The following DHX57 variants were observed in gnomAD, a reference collection of about 807,000 sequenced individuals.
DHX57 encodes the protein DExH-box helicase 57.
DHX57 carries 105 observed loss-of-function variants against 156.2 expected under a neutral mutation model. The ratio of observed to expected loss-of-function variants is 0.67; its 90% CI spans 0.57 to 0.79. DHX57 has a LOEUF of 0.79. DHX57 is among the 30% of genes least tolerant of loss of function. The pLI, the probability that DHX57 is intolerant of heterozygous loss-of-function variation, is 0.00. For synonymous variants in DHX57, 704 were observed against 595.6 expected, an observed-to-expected ratio of 1.18 and a Z score of -2.65; for missense variants, 1,847 against 1,661.9, an observed-to-expected ratio of 1.11 and a Z score of -1.94.
intron 5 of DHX57, among the ~76,000 whole-genome samples, chr2:38,859,825 T>G (rs980185450): frequency 2.0e-5 from 3 of 151,352 alleles, no homozygotes; most frequent in African/African-American, 7.3e-5. Context: ...TCCTTTTTTT[T>G]TTTTTTTTAA....
chr2:38,846,909 G>A (rs769314445), intron 11 of DHX57, 110 bp downstream of exon 11: 8 of 779,754 alleles, frequency 1.0e-5, no homozygotes, highest in Non-Finnish European at 1.6e-5. Context: ...AGCTGGTCTT[G>A]AACTGGCCCC....
chr2:38,846,900 G>A, intron 11 of DHX57, 119 bp downstream of exon 11: 1 of 638,584 alleles, frequency 1.6e-6, no homozygotes, highest in Non-Finnish European at 2.6e-6. Flanking sequence ...TGTTGCCCAA[G>A]CTGGTCTTGA....
rs1329786520 is a variant in DHX57 at position 38,813,883 on chromosome 2, C to T, written c.3619G>A (p.Ala1207Thr). 13 of 1,613,100 alleles carry T rather than the reference C, an allele frequency of 8.1e-6. No individual in the cohort carries two copies. The highest frequency in any genetic ancestry group is 6.7e-5 in the African/African-American group (5 of 74,902). ...GCTGATATCAGCTTGGGGTTCTCAG[C>T]ATTTGAGTTTGCCTATGAGAAAAGC... ...DATGEEANSN[A>T]ENPKLISAML... Residue 1207 changes from alanine (A) to threonine (T), a missense_variant, in exon 21 of 24, where the codon GCT (alanine) becomes ACT (threonine). Ala to Thr is a moderately conservative substitution (Grantham distance 58, BLOSUM62 0). Transcript: ENST00000457308.
chr2:38,815,226 C>T (rs1051796959), intron 20 of DHX57, among the ~76,000 whole-genome samples: 1 of 151,968 alleles, frequency 6.6e-6, no homozygotes, highest in African/African-American at 2.4e-5. Flanking sequence ...CACCACCATG[C>T]CTGGCTAATT....
Position 38,837,943 on chromosome 2 carries a change from A to C in DHX57, c.2430T>G (p.Val810=), listed in dbSNP as rs775090494. Residue 810 remains valine, a synonymous_variant, in exon 13 of 24, where the codon GTT becomes GTG. Transcript: ENST00000457308. ...FKQLLARYKG[V]SKSVIKTMSI... is the part of the protein sequence containing the mutation. The stretch of plus-strand genomic sequence containing the variant: ...ACATTGTTTTGATGACTGACTTGCT[A>C]ACCCCTGAAAGAAAGAAAGGTAAAA... 20 of 1,601,126 alleles carry C rather than the reference A, an allele frequency of 1.2e-5. No individual in the cohort carries two copies. Among genetic ancestry groups the C allele is most frequent in the Non-Finnish European group, 1.7e-5 (20 of 1,168,434 alleles).
intron 13 of DHX57, among the ~76,000 whole-genome samples, chr2:38,834,545 T>C (rs1671554874): frequency 6.6e-6 from 1 of 152,112 alleles, no homozygotes; most frequent in Non-Finnish European, 1.5e-5. Context: ...TGTCAGAATA[T>C]TGTATATTAT....
rs572177410 is a variant in DHX57 at position 38,863,484 on chromosome 2, C to T, written c.260G>A (p.Arg87His). Reference sequence around the variant, plus strand: ...TTTGGCTTTGGGTTTCCATTTTGGGCGTGACTCTCCTTTGCTTATGTTACT... The same window carrying T: ...TTTGGCTTTGGGTTTCCATTTTGGGTGTGACTCTCCTTTGCTTATGTTACT... ...SNSNISKGES[R>H]PKWKPKAKVP... Residue 87 changes from arginine to histidine, a missense_variant, in exon 3 of 24, where the codon CGC (arginine) becomes CAC (histidine). By Grantham distance (29) the Arg-to-His change is conservative. Coordinates refer to ENST00000457308, the MANE Select transcript of DHX57 (RefSeq NM_198963.3). 1.7e-5 allele frequency: 28 copies of T among 1,613,882 alleles called. No homozygotes were observed. The East Asian group carries it at 3.8e-4, about 22-fold the overall frequency.
intron 16 of DHX57, among the ~76,000 whole-genome samples, chr2:38,823,495 A>G (rs369891349): frequency 6.6e-5 from 10 of 152,360 alleles, no homozygotes; most frequent in Non-Finnish European, 1.2e-4. Flanking sequence ...GCTTCTTTCC[A>G]TAACAGTGGG....
intron 12 of DHX57, among the ~76,000 whole-genome samples, chr2:38,841,115 G>T (rs1206498396): frequency 6.6e-6 from 1 of 152,180 alleles, no homozygotes; most frequent in Non-Finnish European, 1.5e-5. Flanking sequence ...GAGCCACCAT[G>T]CCCAACCTCA....
At chr2:38,862,108 T>C (rs1273406798) in intron 4 of DHX57, 37 bp downstream of exon 4, 1 of 1,546,278 alleles carries the variant, frequency 6.5e-7, no homozygotes. Flanking sequence ...TTTCCTTGAA[T>C]TCTTTCCCAA....
Position 38,815,596 on chromosome 2 carries a change from C to A in DHX57, c.3531G>T (p.Arg1177Ser). The change falls in exon 20 of 24, where the codon AGG becomes AGT. Residue 1177 changes from arginine to serine, a missense_variant. By Grantham distance (110) the Arg-to-Ser change is moderately radical (BLOSUM62 -1). Coordinates refer to ENST00000457308, the MANE Select transcript of DHX57 (RefSeq NM_198963.3). ...CAATTTCCCTTGCTCTGAGCCCTTC[C>A]CTTGCAAACCCTATATCCGATAACA... ...TELLSDIGFA[R>S]EGLRAREIEK... 6.2e-7 allele frequency: 1 copy of A among 1,614,136 alleles called. No homozygotes were observed. The highest frequency in any genetic ancestry group is 8.5e-7 in the Non-Finnish European group (1 of 1,180,032).
At chr2:38,865,542 G>C (rs1460187293) in intron 2 of DHX57, among the ~76,000 whole-genome samples, 1 of 152,180 alleles carries the variant, frequency 6.6e-6, no homozygotes, top group Admixed American at 6.5e-5. Flanking sequence ...AGCAGCGTGA[G>C]AATGGACTAA....
intron 4 of DHX57, 140 bp downstream of exon 4, chr2:38,862,005 T>G (rs1247690368): frequency 8.1e-7 from 1 of 1,232,548 alleles, no homozygotes; most frequent in African/African-American, 1.5e-5. Flanking sequence ...TGACCCCTTC[T>G]GATAAGATAG....
At chr2:38,870,644 C>T (rs1387528286) in intron 1 of DHX57, among the ~76,000 whole-genome samples, 1 of 152,130 alleles carries the variant, frequency 6.6e-6, no homozygotes, top group Non-Finnish European at 1.5e-5. Context: ...CTATGGGAGG[C>T]CAAGGCGGGC....
Position 38,819,131 on chromosome 2 carries a change from TC to T in DHX57, c.3304del (p.Asp1102IlefsTer32). On this transcript the variant is annotated frameshift_variant, in exon 18 of 24. Coordinates refer to ENST00000457308, the MANE Select transcript of DHX57 (RefSeq NM_198963.3). LOFTEE classifies it high-confidence loss of function. ...AFKSPFVSPWDKKEEANQKKL... is the reference protein window; with the variant it reads ...AFKSPFVSPWXKKEEANQKKL... ...TTTCTGGTTAGCTTCTTCTTTTTTATCCCAGGGAGATACCTAAAGGAGAGAG... is the reference window on the plus strand; with the variant it reads ...TTTCTGGTTAGCTTCTTCTTTTTTATCCAGGGAGATACCTAAAGGAGAGAG... 1 of 1,613,884 alleles carries T rather than the reference TC, an allele frequency of 6.2e-7. No individual in the cohort carries two copies. Among genetic ancestry groups the T allele is most frequent in the Admixed American group, 1.7e-5 (1 of 59,994 alleles).
rs1274523918 is a variant in DHX57 at position 38,855,165 on chromosome 2, G to C, written c.1797C>G (p.Thr599=). The change falls in exon 8 of 24, where the codon ACC becomes ACG. Residue 599 remains threonine, a synonymous_variant. Coordinates refer to ENST00000457308, the MANE Select transcript of DHX57 (RefSeq NM_198963.3). ...PPEKVANIIC[T]QPRRISAISV... is the part of the protein sequence containing the mutation. ...AGATTGCAGAGATTCGTCGGGGTTG[G>C]GTACAGATGATGTTGGCTACCTTCT... 1 of 1,613,870 alleles carries C rather than the reference G, an allele frequency of 6.2e-7. No homozygotes were observed. The highest frequency in any genetic ancestry group is 1.3e-5 in the African/African-American group (1 of 74,854).
At position 38,863,433 on chromosome 2, in the gene DHX57, G is replaced by A. The variant is rs1245389569; in HGVS notation, c.311C>T (p.Thr104Ile). ...AKVPLQTLHMTSENQEKVKAL... is the reference protein window; with the variant it reads ...AKVPLQTLHMISENQEKVKAL... Reference sequence around the variant, plus strand: ...TTTCACTTTCTCTTGATTCTCAGAAGTCATATGTAGAGTCTGAAGGGGTAC... The same window carrying A: ...TTTCACTTTCTCTTGATTCTCAGAAATCATATGTAGAGTCTGAAGGGGTAC... Residue 104 changes from threonine to isoleucine, a missense_variant, in exon 3 of 24, where the codon ACT becomes ATT. Transcript: ENST00000457308. The A allele has an allele frequency of 1.2e-6, 2 of 1,613,930 alleles. No individual in the cohort carries two copies. Among genetic ancestry groups the A allele is most frequent in the Non-Finnish European group, 8.5e-7 (1 of 1,180,016 alleles).
chr2:38,855,149 A>C lies in DHX57; in HGVS notation c.1813T>G (p.Ser605Ala). The change falls in exon 8 of 24, where the codon TCT (serine) becomes GCT (alanine). Residue 605 changes from serine to alanine, a missense_variant. Coordinates refer to ENST00000457308, the MANE Select transcript of DHX57 (RefSeq NM_198963.3). ...ACGCGTTCAGCAACAGAGATTGCAG[A>C]GATTCGTCGGGGTTGGGTACAGATG... ...NIICTQPRRI[S>A]AISVAERVAK... The C allele has an allele frequency of 6.2e-7, 1 of 1,614,126 alleles. No homozygotes were observed. Among genetic ancestry groups the C allele is most frequent in the Non-Finnish European group, 8.5e-7 (1 of 1,180,018 alleles).
At chr2:38,845,556 G>A (rs1672232499) in intron 11 of DHX57, among the ~76,000 whole-genome samples, 1 of 152,160 alleles carries the variant, frequency 6.6e-6, no homozygotes, top group South Asian at 2.1e-4. Context: ...AGAGCTCAGA[G>A]GTCAGGAATG....
Sources: gnomAD v4.1 joint callset for allele counts (sites outside exome capture counted in the v4.1 genomes callset) on GRCh38, gnomAD v4.1.1 for gene constraint, MANE v1.5 for transcripts, NCBI Gene and HGNC (gene_info 2026-07-23, HGNC 2026-07-21) for gene names.